The following INTS12 variants were observed in gnomAD, a reference collection of about 807,000 sequenced individuals.
INTS12 encodes the protein integrator complex subunit 12, also known as PHD finger protein 22.
A neutral mutation model predicts 41.6 loss-of-function variants in INTS12; 13 were observed. That is an observed-to-expected ratio of 0.31 (90% confidence interval 0.20 to 0.50). The LOEUF (loss-of-function observed/expected upper bound fraction) is 0.50, where lower values mean the gene tolerates loss of function less well. Among genes scored for constraint, INTS12 ranks in the 20% least tolerant of loss-of-function variants. INTS12 has a pLI of 0.98. For synonymous variants in INTS12, 199 were observed against 191.4 expected, an observed-to-expected ratio of 1.04 and a Z score of -0.33; for missense variants, 432 against 541.6, an observed-to-expected ratio of 0.80 and a Z score of 2.01.
chr4:105,695,740 A>T, intron 3 of INTS12, 72 bp from the exon 4 acceptor site: 1 of 1,202,912 alleles, frequency 8.3e-7, no homozygotes, highest in Non-Finnish European at 1.2e-6. Flanking sequence ...CATTAATATA[A>T]ACAATTTTCA....
intron 4 of INTS12, 41 bp from the exon 5 acceptor site, chr4:105,693,527 T>A: frequency 6.5e-7 from 1 of 1,536,392 alleles, no homozygotes; most frequent in Non-Finnish European, 8.9e-7. Context: ...AGTAATGTGG[T>A]AGAATAAACT....
intron 6 of INTS12, chr4:105,687,091 C>A: frequency 2.4e-6 from 1 of 420,514 alleles, no homozygotes; most frequent in Non-Finnish European, 4.2e-6. Flanking sequence ...AGTTAAATAC[C>A]ATTTTAACAA....
intron 7 of INTS12, among the ~76,000 whole-genome samples, chr4:105,686,383 C>T (rs903231180): frequency 6.6e-6 from 1 of 152,092 alleles, no homozygotes; most frequent in Non-Finnish European, 1.5e-5. Context: ...GTCATGGCAC[C>T]TCGCCTGAAT....
At chr4:105,696,738 GGTAA>G (rs1203391225) in intron 3 of INTS12, among the ~76,000 whole-genome samples, 1 of 152,004 alleles carries the variant, frequency 6.6e-6, no homozygotes, top group Admixed American at 6.6e-5. Flanking sequence ...TGGGTTATAT[GGTAA>G]GTATTAATAT....
At chr4:105,689,490 G>GT (rs892423101) in intron 6 of INTS12, among the ~76,000 whole-genome samples, 84 of 152,042 alleles carry the variant, frequency 5.5e-4, no homozygotes, top group African/African-American at 2.0e-3. Flanking sequence ...ATGTCTTTTG[G>GT]TATTTCCCCA....
chr4:105,683,296 T>C lies in INTS12; in HGVS notation c.826A>G (p.Asn276Asp). 1.2e-6 allele frequency: 2 copies of C among 1,611,432 alleles called. No individual in the cohort carries two copies. The highest frequency in any genetic ancestry group is 1.7e-6 in the Non-Finnish European group (2 of 1,178,828). ...GAGGAAACGCTGGCACTAGAAGAATTTCCTGAAATAACTGTGGATGTCTAA... is the reference window on the plus strand; with the variant it reads ...GAGGAAACGCTGGCACTAGAAGAATCTCCTGAAATAACTGTGGATGTCTAA... ...EVKTSTVISG[N>D]SSSASVSSSV... The change falls in exon 8 of 8, where the codon AAT becomes GAT. Residue 276 changes from asparagine (N) to aspartate (D), a missense_variant. Physicochemically the swap from Asn to Asp is conservative, Grantham distance 23 (BLOSUM62 1). Coordinates refer to ENST00000340139, the MANE Select transcript of INTS12 (RefSeq NM_020395.4).
At position 105,682,731 on chromosome 4, in the gene INTS12, C is replaced by T. The variant is rs1731356052; in HGVS notation, c.*2G>A. 6.2e-7 allele frequency: 1 copy of T among 1,611,440 alleles called. No homozygotes were observed. The highest frequency in any genetic ancestry group is 1.3e-5 in the African/African-American group (1 of 74,750). On this transcript the variant is annotated 3_prime_UTR_variant, in exon 8 of 8. Transcript: ENST00000340139. The stretch of plus-strand genomic sequence containing the variant: ...TATGATACAAAAACCTACTTGGCCA[C>T]ATTACTTCTTGAGTTTCTTTTGGGC...
chr4:105,684,988 T>A (rs945707046), intron 7 of INTS12, among the ~76,000 whole-genome samples: 6 of 152,082 alleles, frequency 3.9e-5, no homozygotes, highest in African/African-American at 1.4e-4. Context: ...GACAGATGGT[T>A]TATAATACTA....
At chr4:105,696,307 TAGAAAAATATGTCTCCCATCATCAAGCA>T in intron 3 of INTS12, among the ~76,000 whole-genome samples, 2 of 152,296 alleles carry the variant, frequency 1.3e-5, no homozygotes, top group East Asian at 1.9e-4. Context: ...ATACACCCTA[TAGAAAAATATGTCTCCCATCATCAAGCA>T]AGAAAAATAT....
At position 105,692,009 on chromosome 4, in the gene INTS12, A is replaced by C; in HGVS notation, c.624T>G (p.Tyr208Ter). ...TCATTTGTCTGGTACATCGGGCACA[A>C]TACCACACCAGGCGAGGGTCATTCG... ...KEANDPRLVW[Y>*]CARCTRQMKR... The change falls in exon 6 of 8, where the codon TAT becomes TAG. Residue 208 changes from tyrosine to a stop codon, truncating the protein, a stop_gained. Transcript: ENST00000340139. LOFTEE classifies it high-confidence loss of function. The C allele has an allele frequency of 6.2e-7, 1 of 1,602,494 alleles. No individual in the cohort carries two copies. The highest frequency in any genetic ancestry group is 8.5e-7 in the Non-Finnish European group (1 of 1,174,376).
At chr4:105,685,670 T>A (rs1054454848) in intron 7 of INTS12, among the ~76,000 whole-genome samples, 24 of 152,110 alleles carry the variant, frequency 1.6e-4, no homozygotes, top group African/African-American at 4.1e-4. Context: ...ATTTTTTTTT[T>A]AATATTTTTT....
chr4:105,705,566 G>T (rs541445330), intron 1 of INTS12: 2 of 152,298 alleles, frequency 1.3e-5, no homozygotes, highest in Non-Finnish European at 2.9e-5. Context: ...ATATAAAGCA[G>T]TTACAACAGT....
chr4:105,695,154 C>T (rs1039314301), intron 4 of INTS12, among the ~76,000 whole-genome samples: 1 of 151,426 alleles, frequency 6.6e-6, no homozygotes, highest in Non-Finnish European at 1.5e-5. Flanking sequence ...ATCTTGAACT[C>T]CTGAGCTCAA....
In INTS12 at chr4:105,683,209, G is replaced by T; in HGVS notation, c.913C>A (p.Pro305Thr). 6.2e-7 allele frequency: 1 copy of T among 1,614,016 alleles called. No individual in the cohort carries two copies. The highest frequency in any genetic ancestry group is 8.5e-7 in the Non-Finnish European group (1 of 1,179,928). The change falls in exon 8 of 8, where the codon CCT becomes ACT. Residue 305 changes from proline to threonine, a missense_variant. Coordinates refer to ENST00000340139, the MANE Select transcript of INTS12 (RefSeq NM_020395.4). ...AFAAKTSSAG[P>T]STAKLSSTTQ... ...GTTGAACTCAATTTTGCTGTTGAAG[G>T]ACCAGCAGAGGAAGTTTTGGCTGCA...
intron 2 of INTS12, among the ~76,000 whole-genome samples, chr4:105,702,439 T>TTATTTC (rs1232562293): frequency 1.3e-5 from 2 of 152,094 alleles, no homozygotes; most frequent in African/African-American, 4.8e-5. Context: ...CCCAGCCAAT[T>TTATTTC]TATTTCTATT....
intron 4 of INTS12, among the ~76,000 whole-genome samples, chr4:105,694,474 C>A (rs557690739): frequency 2.6e-5 from 4 of 151,982 alleles, no homozygotes; most frequent in African/African-American, 9.7e-5. Context: ...TACAGGTGTG[C>A]GCCACCACAC....
chr4:105,704,635 G>C (rs1168066958), intron 1 of INTS12, among the ~76,000 whole-genome samples: 1 of 152,162 alleles, frequency 6.6e-6, no homozygotes, highest in African/African-American at 2.4e-5. Context: ...CTGCCAGCTT[G>C]ACATGGATAT....
At position 105,704,014 on chromosome 4, in the gene INTS12, CT is replaced by C. The variant is rs561167754; in HGVS notation, c.-171-206del. ...GCCTATGGATTATTTCCCATATCTTCTTTTTTTTTTTTTCAGCCTTTCTACT... is the reference window on the plus strand; with the variant it reads ...GCCTATGGATTATTTCCCATATCTTCTTTTTTTTTTTTCAGCCTTTCTACT... On this transcript the variant is annotated intron_variant, in intron 1 of 7. Coordinates refer to ENST00000340139, the MANE Select transcript of INTS12 (RefSeq NM_020395.4). Among the ~76,000 whole-genome samples the C allele has an allele frequency of 7.6e-4, 110 of 143,990 alleles. 1 individual carries two copies. Among genetic ancestry groups the C allele is most frequent in the East Asian group, 1.8e-3 (9 of 4,978 alleles). The allele number at this position is 143,990 out of a possible 152,430, so 94.5% of individuals were successfully genotyped here. A position where few individuals can be genotyped will look rare whatever the true frequency, so the allele number is the denominator to read the frequency against.
chr4:105,704,694 A>T (rs1353684222), intron 1 of INTS12, among the ~76,000 whole-genome samples: 1 of 152,168 alleles, frequency 6.6e-6, no homozygotes, highest in Non-Finnish European at 1.5e-5. Context: ...CCACTCATAC[A>T]CTATTCCCTT....
Sources: allele counts gnomAD v4.1 joint callset (sites outside exome capture counted in the v4.1 genomes callset), GRCh38; gene constraint gnomAD v4.1.1; transcripts MANE v1.5; gene names NCBI Gene and HGNC (gene_info 2026-07-23, HGNC 2026-07-21).